The following SULT1A2 variants were observed in gnomAD, a reference collection of about 807,000 sequenced individuals.
SULT1A2 encodes the protein sulfotransferase family 1A member 2.
Under a neutral mutation model 36.0 loss-of-function variants are expected in SULT1A2, and 33 were observed. That is an observed-to-expected ratio of 0.92 (90% CI 0.69 to 1.22). SULT1A2 has a LOEUF of 1.22. Among genes scored for constraint, SULT1A2 ranks in the 50% most tolerant of loss-of-function variants. The pLI is 0.00. For missense variants in SULT1A2, 367 were observed against 383.2 expected (o/e 0.96, Z 0.35); for synonymous variants, 138 against 144.5 (o/e 0.96, Z 0.32).
chr16:28,596,149 G>T, intron 1 of SULT1A2: 2 of 1,345,684 alleles, frequency 1.5e-6, no homozygotes, highest in Non-Finnish European at 9.9e-7. Flanking sequence ...ATTCACCTGC[G>T]GAGCTGTTCA....
chr16:28,594,166 T>G (rs1228979373), intron 4 of SULT1A2, among the ~76,000 whole-genome samples: 2 of 151,826 alleles, frequency 1.3e-5, no homozygotes, highest in Admixed American at 1.3e-4. Flanking sequence ...CCTTGGGCTT[T>G]CTTTTTTCCT....
chr16:28,592,628 A>G, intron 6 of SULT1A2, 185 bp from the exon 7 acceptor site: 1 of 1,177,064 alleles, frequency 8.5e-7, no homozygotes, highest in Non-Finnish European at 1.2e-6. Flanking sequence ...CTGTGATCCC[A>G]TCATGAGCTG....
Position 28,593,461 on chromosome 16 carries a change from C to T in SULT1A2, c.480G>A (p.Glu160=). 3 of 1,614,188 alleles carry T rather than the reference C, an allele frequency of 1.9e-6. No individual in the cohort carries two copies. Among genetic ancestry groups the T allele is most frequent in the Middle Eastern group, 1.6e-4 (1 of 6,062 alleles). Residue 160 remains glutamate, a synonymous_variant, in exon 5 of 8, where the codon GAG becomes GAA. Coordinates refer to ENST00000335715, the MANE Select transcript of SULT1A2 (RefSeq NM_001054.4). ...PHPGTWESFL[E]KFMAGEVSYG... The stretch of plus-strand genomic sequence containing the variant: ...GCCCACCTTCTCCAGCCATGAACTT[C>T]TCCAGGAAGCTTTCCCAGGTCCCAG...
At chr16:28,594,092 G>T (rs188380468) in intron 4 of SULT1A2, among the ~76,000 whole-genome samples, 4,857 of 124,514 alleles carry the variant, frequency 0.039, 292 homozygotes, top group African/African-American at 0.13. Flanking sequence ...TTTTGTTGTG[G>T]TTTTTTTTTT....
At chr16:28,594,861 A>T (rs1325543166) in intron 4 of SULT1A2, among the ~76,000 whole-genome samples, 3 of 137,328 alleles carry the variant, frequency 2.2e-5, no homozygotes, top group African/African-American at 8.3e-5. Flanking sequence ...GCTGACTACA[A>T]CCTCTGCCTC....
intron 1 of SULT1A2, chr16:28,596,543 G>A: frequency 2.8e-6 from 1 of 358,084 alleles, no homozygotes; most frequent in Non-Finnish European, 4.5e-6. Flanking sequence ...GAGCAAAACT[G>A]TGATGACTCA....
chr16:28,593,499 C>T lies in SULT1A2; in HGVS notation c.442G>A (p.Val148Met), dbSNP rs1298846848. ...SYYHFYHMAK[V>M]YPHPGTWESF... ...TCCCAGGTCCCAGGGTGAGGGTACACTTTGGCCATGTGGTAGAAGTGGTAG... is the reference window on the plus strand; with the variant it reads ...TCCCAGGTCCCAGGGTGAGGGTACATTTTGGCCATGTGGTAGAAGTGGTAG... The change falls in exon 5 of 8, where the codon GTG becomes ATG. Residue 148 changes from valine (V) to methionine (M), a missense_variant. Val to Met is a conservative substitution (Grantham distance 21). Coordinates refer to ENST00000335715, the MANE Select transcript of SULT1A2 (RefSeq NM_001054.4). The T allele has an allele frequency of 5.0e-6, 8 of 1,614,084 alleles. No homozygotes were observed. The highest frequency in any genetic ancestry group is 2.2e-5 in the East Asian group (1 of 44,890).
rs4149403 is a variant in SULT1A2, at chr16:28,596,049, C to T, written c.-4-115G>A. 2,786 of 1,571,926 alleles carry T rather than the reference C, an allele frequency of 1.8e-3. 65 individuals are homozygous for T. In the East Asian group the frequency reaches 0.05, roughly 28 times the overall value. ...GCCTAGGGAGGCTGAGTGACTTGCC[C>T]GCACTCACAAGGCCAGTCAGTGGCG... On this transcript the variant is annotated intron_variant, in intron 1 of 7. Transcript: ENST00000335715.
At chr16:28,593,169 G>T (rs955961223) in intron 6 of SULT1A2, 83 bp downstream of exon 6, 71 of 1,589,078 alleles carry the variant, frequency 4.5e-5, no homozygotes, top group Non-Finnish European at 6.1e-5. Flanking sequence ...GCCCAGGGAG[G>T]GTGGCTGGGT....
Position 28,593,495 on chromosome 16 carries a change from T to G in SULT1A2, c.446A>C (p.Tyr149Ser), listed in dbSNP as rs1347814599. ...YYHFYHMAKV[Y>S]PHPGTWESFL... Reference sequence around the variant, plus strand: ...GCTTTCCCAGGTCCCAGGGTGAGGGTACACTTTGGCCATGTGGTAGAAGTG... The same window carrying G: ...GCTTTCCCAGGTCCCAGGGTGAGGGGACACTTTGGCCATGTGGTAGAAGTG... Residue 149 changes from tyrosine (Y) to serine (S), a missense_variant, in exon 5 of 8, where the codon TAC becomes TCC. Tyr to Ser is a moderately radical substitution (Grantham distance 144). Transcript: ENST00000335715. 1 of 1,612,282 alleles carries G rather than the reference T, an allele frequency of 6.2e-7. No homozygotes were observed.
intron 1 of SULT1A2, chr16:28,596,296 T>C (rs193652): frequency 0.38 from 445,667 of 1,182,786 alleles, 87,017 homozygotes; most frequent in East Asian, 0.46. Context: ...TGTGCTGTCT[T>C]CCTGCCAGCC....
chr16:28,592,765 A>AG (rs1201428171), intron 6 of SULT1A2, among the ~76,000 whole-genome samples: 1 of 152,214 alleles, frequency 6.6e-6, no homozygotes, highest in Non-Finnish European at 1.5e-5. Flanking sequence ...GCCGTGGTTC[A>AG]GGCGTGTAAT....
Position 28,592,400 on chromosome 16 carries a change from C to A in SULT1A2, c.638G>T (p.Arg213Leu). Residue 213 changes from arginine (R) to leucine (L), a missense_variant, in exon 7 of 8, where the codon CGC becomes CTC. By Grantham distance (102) the Arg-to-Leu change is moderately radical. Transcript: ENST00000335715. ...GTCCACAGTCTCCTCTGGCAGGGAGCGCCCCACAAACTCCAGGATCTTTTG... is the reference window on the plus strand; with the variant it reads ...GTCCACAGTCTCCTCTGGCAGGGAGAGCCCCACAAACTCCAGGATCTTTTG... ...EIQKILEFVG[R>L]SLPEETVDLM... is the part of the protein sequence containing the mutation. 1 of 1,611,590 alleles carries A rather than the reference C, an allele frequency of 6.2e-7. No homozygotes were observed. The highest frequency in any genetic ancestry group is 1.3e-5 in the African/African-American group (1 of 74,902).
At chr16:28,593,772 T>C (rs2047026734) in intron 4 of SULT1A2, among the ~76,000 whole-genome samples, 1 of 152,014 alleles carries the variant, frequency 6.6e-6, no homozygotes, top group South Asian at 2.1e-4. Context: ...TCATATTCTA[T>C]AGTAATATAA....
chr16:28,592,528 G>A (rs1454183870), intron 6 of SULT1A2, 85 bp from the exon 7 acceptor site: 2 of 1,597,738 alleles, frequency 1.3e-6, no homozygotes, highest in African/African-American at 1.3e-5. Context: ...CCTCAGAGGG[G>A]AACTGGCCAC....
At chr16:28,596,332 G>C in intron 1 of SULT1A2, 16 of 1,142,410 alleles carry the variant, frequency 1.4e-5, no homozygotes, top group Non-Finnish European at 1.5e-5. Flanking sequence ...ACCATTTCCT[G>C]CTGGGACCCC....
At chr16:28,594,228 C>T (rs1266364935) in intron 4 of SULT1A2, among the ~76,000 whole-genome samples, 1 of 151,892 alleles carries the variant, frequency 6.6e-6, no homozygotes, top group Non-Finnish European at 1.5e-5. Flanking sequence ...GCAACGTTGA[C>T]CTCCCAGGCT....
intron 4 of SULT1A2, among the ~76,000 whole-genome samples, chr16:28,595,155 C>G (rs553179553): frequency 2.3e-4 from 35 of 152,200 alleles, no homozygotes; most frequent in Non-Finnish European, 3.7e-4. Context: ...CTGGTGTGAT[C>G]ATAGCTCACT....
chr16:28,595,223 G>A, intron 4 of SULT1A2, 144 bp downstream of exon 4: 1 of 1,058,086 alleles, frequency 9.5e-7, no homozygotes, highest in Non-Finnish European at 1.4e-6. Context: ...TGAGTAGCTG[G>A]TATTACAGGC....
Sources: gnomAD v4.1 joint callset for allele counts (sites outside exome capture counted in the v4.1 genomes callset) on GRCh38, gnomAD v4.1.1 for gene constraint, MANE v1.5 for transcripts, NCBI Gene and HGNC (gene_info 2026-07-23, HGNC 2026-07-21) for gene names.